The following PACRG variants were observed in gnomAD, a reference collection of about 807,000 sequenced individuals.
The protein encoded by PACRG is parkin coregulated gene protein.
In PACRG, 29 loss-of-function variants were observed where a neutral mutation model predicts 29.7. The ratio of observed to expected loss-of-function variants is 0.98; its 90% CI spans 0.73 to 1.33. The LOEUF (loss-of-function observed/expected upper bound fraction) is 1.33. Ranked by LOEUF, PACRG falls within the 40% of genes most tolerant of loss-of-function variation. The probability of loss-of-function intolerance (pLI) is 0.00; values close to 1 mark genes in which losing one functional copy is unlikely to be tolerated. For synonymous variants in PACRG, 116 were observed against 118.7 expected (o/e 0.98, Z 0.15); for missense variants, 279 against 316.2 (o/e 0.88, Z 0.89).
intron 3 of PACRG, among the ~76,000 whole-genome samples, chr6:163,086,201 C>T (rs915942934): frequency 2.6e-5 from 4 of 152,220 alleles, no homozygotes; most frequent in Non-Finnish European, 4.4e-5. Flanking sequence ...ACATAAGGCT[C>T]ACTAACCCCT....
chr6:163,285,287 C>T (rs530176015), intron 4 of PACRG, among the ~76,000 whole-genome samples: 1 of 152,206 alleles, frequency 6.6e-6, no homozygotes, highest in African/African-American at 2.4e-5. Flanking sequence ...TGCCTGTGAT[C>T]CTTTACGCCC....
chr6:162,790,601 A>G (rs960499630), intron 1 of PACRG, among the ~76,000 whole-genome samples: 4 of 152,122 alleles, frequency 2.6e-5, no homozygotes, highest in Non-Finnish European at 4.4e-5. Context: ...TAGGTCATTA[A>G]TCACCCGTAC....
intron 4 of PACRG, among the ~76,000 whole-genome samples, chr6:163,100,223 C>T (rs1251982131): frequency 1.3e-5 from 2 of 152,102 alleles, no homozygotes; most frequent in Admixed American, 6.5e-5. Context: ...TTCGCCTCAG[C>T]CTCTCGTGCT....
intron 1 of PACRG, among the ~76,000 whole-genome samples, chr6:162,733,173 A>G (rs1006179837): frequency 6.6e-6 from 1 of 152,224 alleles, no homozygotes; most frequent in Non-Finnish European, 1.5e-5. Flanking sequence ...CAAGAAGCTT[A>G]TATTTTTGTG....
intron 1 of PACRG, among the ~76,000 whole-genome samples, chr6:162,759,139 A>G (rs1474390985): frequency 6.6e-6 from 1 of 152,240 alleles, no homozygotes; most frequent in Non-Finnish European, 1.5e-5. Flanking sequence ...CCTAGAACAC[A>G]GAGATATTCA....
intron 2 of PACRG, among the ~76,000 whole-genome samples, chr6:162,944,895 A>G (rs181811580): frequency 4.6e-5 from 7 of 152,260 alleles, no homozygotes; most frequent in Middle Eastern, 6.8e-3. Context: ...AAACAAACAA[A>G]AAAAGGGATA....
chr6:163,226,626 G>A (rs1340541485), intron 4 of PACRG, among the ~76,000 whole-genome samples: 5 of 152,160 alleles, frequency 3.3e-5, no homozygotes, highest in East Asian at 1.9e-4. Flanking sequence ...CTATACATTA[G>A]CCAGCCCATG....
chr6:163,249,010 T>C (rs370018454), intron 4 of PACRG, among the ~76,000 whole-genome samples: 3,545 of 106,592 alleles, frequency 0.033, 145 homozygotes, highest in African/African-American at 0.13. Context: ...AGCGAGACTC[T>C]GTCTCAAAAA....
chr6:163,279,355 A>G (rs1784153115), intron 4 of PACRG, among the ~76,000 whole-genome samples: 1 of 152,174 alleles, frequency 6.6e-6, no homozygotes, highest in African/African-American at 2.4e-5. Flanking sequence ...TGCTCTGGCT[A>G]GGACTTCCAG....
At chr6:163,013,890 C>CTATTTTTTT (rs1805846621) in intron 2 of PACRG, among the ~76,000 whole-genome samples, 1 of 146,730 alleles carries the variant, frequency 6.8e-6, no homozygotes, top group Non-Finnish European at 1.5e-5. Flanking sequence ...TTGACCAAAT[C>CTATTTTTTT]TTGGCTTTTG....
At chr6:162,856,759 C>A (rs974897021) in intron 2 of PACRG, among the ~76,000 whole-genome samples, 2 of 152,158 alleles carry the variant, frequency 1.3e-5, no homozygotes, top group Non-Finnish European at 2.9e-5. Context: ...TTGAATAATT[C>A]TTTACACCTG....
intron 4 of PACRG, among the ~76,000 whole-genome samples, chr6:163,263,580 ACT>A (rs1423413714): frequency 6.6e-6 from 1 of 152,054 alleles, no homozygotes; most frequent in East Asian, 1.9e-4. Context: ...ACTGTGGGAA[ACT>A]CTCACATTAG....
intron 1 of PACRG, among the ~76,000 whole-genome samples, chr6:162,764,812 C>T (rs561339721): frequency 9.9e-5 from 15 of 151,252 alleles, no homozygotes; most frequent in South Asian, 4.2e-4. Context: ...GGCATGATCT[C>T]GGCTCAGTGC....
intron 4 of PACRG, among the ~76,000 whole-genome samples, chr6:163,196,920 T>TA (rs1780477620): frequency 3.4e-5 from 4 of 118,482 alleles, no homozygotes; most frequent in African/African-American, 1.6e-4. Context: ...ACAGACAGAC[T>TA]AGACAGATAG....
chr6:162,797,105 C>T (rs562924649), intron 1 of PACRG, among the ~76,000 whole-genome samples: 9 of 152,234 alleles, frequency 5.9e-5, no homozygotes, highest in Admixed American at 2.0e-4. Flanking sequence ...GGCGACCCCC[C>T]GTCTCTACTA....
At chr6:162,935,837 A>G (rs1223489295) in intron 2 of PACRG, among the ~76,000 whole-genome samples, 1 of 152,186 alleles carries the variant, frequency 6.6e-6, no homozygotes, top group Non-Finnish European at 1.5e-5. Context: ...AATGTTTGTT[A>G]TCATATATTG....
intron 2 of PACRG, among the ~76,000 whole-genome samples, chr6:162,907,691 C>T (rs1296746112): frequency 1.3e-5 from 2 of 152,088 alleles, no homozygotes; most frequent in Non-Finnish European, 2.9e-5. Flanking sequence ...AAAAGAGCTA[C>T]ATTATTTTAT....
At chr6:163,216,326 G>A (rs1191968608) in intron 4 of PACRG, among the ~76,000 whole-genome samples, 1 of 152,120 alleles carries the variant, frequency 6.6e-6, no homozygotes, top group African/African-American at 2.4e-5. Flanking sequence ...CGAGGGGCTT[G>A]CACATCACCA....
chr6:162,830,194 G>A (rs1001702180), intron 2 of PACRG, among the ~76,000 whole-genome samples: 3 of 152,186 alleles, frequency 2.0e-5, no homozygotes, highest in Admixed American at 6.5e-5. Flanking sequence ...TTGGGGAATC[G>A]GGGATTAAGA....
Sources: allele counts gnomAD v4.1 joint callset (sites outside exome capture counted in the v4.1 genomes callset), GRCh38; gene constraint gnomAD v4.1.1; transcripts MANE v1.5; gene names NCBI Gene and HGNC (gene_info 2026-07-23, HGNC 2026-07-21).